Variants in MAGI1 observed in about 807,000 individuals in gnomAD.
MAGI1 encodes membrane associated guanylate kinase, WW and PDZ domain containing 1.
In MAGI1, 58 loss-of-function variants were observed where a neutral mutation model predicts 139.9. The observed-to-expected ratio is 0.41, with a 90% CI of 0.34 to 0.52. The LOEUF is 0.52. Among genes scored for constraint, MAGI1 ranks in the 20% least tolerant of loss-of-function variants. The pLI, the probability that MAGI1 is intolerant of heterozygous loss-of-function variation, is 0.12. For missense variants in MAGI1, 1,874 were observed against 1,901.6 expected, an observed-to-expected ratio of 0.99 and a Z score of 0.27; for synonymous variants, 812 against 737.9, an observed-to-expected ratio of 1.10 and a Z score of -1.63.
chr3:65,626,641 T>C (rs975754812), intron 1 of MAGI1, among the ~76,000 whole-genome samples: 3 of 152,200 alleles, frequency 2.0e-5, no homozygotes, highest in Non-Finnish European at 4.4e-5. Flanking sequence ...CATTCTTAAG[T>C]ATAAGCTCTT....
intron 12 of MAGI1, among the ~76,000 whole-genome samples, chr3:65,406,793 ATCTC>A (rs148669462): frequency 1.4e-5 from 2 of 144,420 alleles, no homozygotes; most frequent in African/African-American, 4.9e-5. Flanking sequence ...ACAGTTATAG[ATCTC>A]TCTCTCTCTA....
intron 1 of MAGI1, among the ~76,000 whole-genome samples, chr3:65,863,874 T>C (rs1271669641): frequency 6.6e-6 from 1 of 152,118 alleles, no homozygotes; most frequent in Admixed American, 6.5e-5. Context: ...GTCTTCAGAT[T>C]CTAGCTGAAG....
chr3:65,357,198 C>T, intron 22 of MAGI1, 66 bp from the exon 23 acceptor site: 1 of 1,503,854 alleles, frequency 6.6e-7, no homozygotes, highest in Non-Finnish European at 9.0e-7. Flanking sequence ...TCCCCGTTCC[C>T]ACCCACACTC....
At chr3:65,469,028 C>G (rs964337526) in intron 5 of MAGI1, among the ~76,000 whole-genome samples, 3 of 151,602 alleles carry the variant, frequency 2.0e-5, no homozygotes, top group African/African-American at 7.3e-5. Flanking sequence ...AAAAAATTCA[C>G]AACGCATATC....
At chr3:65,841,722 G>A (rs991380798) in intron 1 of MAGI1, among the ~76,000 whole-genome samples, 2 of 151,966 alleles carry the variant, frequency 1.3e-5, no homozygotes, top group African/African-American at 2.4e-5. Context: ...CACCGTGCTC[G>A]GCCAATTTTC....
intron 1 of MAGI1, among the ~76,000 whole-genome samples, chr3:65,889,077 C>G (rs2060641093): frequency 6.6e-6 from 1 of 152,110 alleles, no homozygotes; most frequent in Admixed American, 6.5e-5. Flanking sequence ...TTTTCCAAAA[C>G]CAAGAGACGC....
chr3:65,617,395 T>C (rs1442165490), intron 2 of MAGI1, among the ~76,000 whole-genome samples: 1 of 152,172 alleles, frequency 6.6e-6, no homozygotes, highest in Non-Finnish European at 1.5e-5. Context: ...AGCAGCAGTA[T>C]AGTAAATGAC....
chr3:65,627,806 A>G (rs1576527623), intron 1 of MAGI1, among the ~76,000 whole-genome samples: 1 of 151,992 alleles, frequency 6.6e-6, no homozygotes, highest in Non-Finnish European at 1.5e-5. Flanking sequence ...GAGCCCAGCT[A>G]TATTTCTGTA....
At chr3:65,409,634 T>C (rs1945619823) in intron 12 of MAGI1, among the ~76,000 whole-genome samples, 1 of 65,296 alleles carries the variant, frequency 1.5e-5, no homozygotes, top group African/African-American at 3.4e-5. Flanking sequence ...ACATGTTTCA[T>C]TTTTTTTTTC....
chr3:65,942,075 C>A (rs1407054229), intron 1 of MAGI1, among the ~76,000 whole-genome samples: 1 of 152,210 alleles, frequency 6.6e-6, no homozygotes, highest in Non-Finnish European at 1.5e-5. Flanking sequence ...GCGTGAGCCA[C>A]CATACCCAGC....
chr3:65,855,494 CAG>C (rs1559946652), intron 1 of MAGI1, among the ~76,000 whole-genome samples: 1 of 145,284 alleles, frequency 6.9e-6, no homozygotes, highest in Non-Finnish European at 1.5e-5. Context: ...CCTAACTACT[CAG>C]AGACTGAGGC....
At chr3:65,374,598 G>A (rs796680423) in intron 18 of MAGI1, among the ~76,000 whole-genome samples, 7 of 152,260 alleles carry the variant, frequency 4.6e-5, no homozygotes, top group African/African-American at 7.2e-5. Flanking sequence ...GATTACAGGC[G>A]TGAGACACCG....
chr3:65,978,745 T>C (rs894294088), intron 1 of MAGI1, among the ~76,000 whole-genome samples: 2 of 151,824 alleles, frequency 1.3e-5, no homozygotes, highest in Admixed American at 6.6e-5. Context: ...TTTCCAGCCT[T>C]GCGTCCTGAG....
rs530281949 is a variant in MAGI1, at chr3:65,802,074, C to T, written c.314-179986G>A. 4.7e-4 allele frequency among the ~76,000 whole-genome samples: 71 copies of T among 152,216 alleles called. 1 individual carries two copies. The highest frequency in any genetic ancestry group is 4.8e-5 in the African/African-American group (2 of 41,524). The stretch of plus-strand genomic sequence containing the variant: ...ACAGTTTCATCCTGAAACCATGCTC[C>T]CTGCCCCACTCAACCTCCTGGAAAA... On this transcript the variant is annotated intron_variant, in intron 1 of 22. Coordinates refer to ENST00000402939, the MANE Select transcript of MAGI1 (RefSeq NM_001033057.2).
chr3:65,740,953 A>G (rs982902794), intron 1 of MAGI1, among the ~76,000 whole-genome samples: 2 of 152,140 alleles, frequency 1.3e-5, no homozygotes, highest in Non-Finnish European at 2.9e-5. Flanking sequence ...TTTCCTAAGT[A>G]TTTCAGATTT....
intron 1 of MAGI1, among the ~76,000 whole-genome samples, chr3:65,881,119 C>G (rs1384928690): frequency 1.3e-5 from 2 of 152,028 alleles, no homozygotes; most frequent in African/African-American, 4.8e-5. Context: ...CTCCTGAGCT[C>G]AAGCGATCCA....
intron 1 of MAGI1, among the ~76,000 whole-genome samples, chr3:65,696,907 C>A (rs184864103): frequency 0.14 from 18,656 of 130,788 alleles, 1,690 homozygotes; most frequent in East Asian, 0.47. Context: ...CACAAAAAAC[C>A]CTTCAAAAAA....
chr3:65,496,595 T>G (rs1236281351), intron 2 of MAGI1, among the ~76,000 whole-genome samples: 2 of 152,184 alleles, frequency 1.3e-5, no homozygotes, highest in East Asian at 3.9e-4. Flanking sequence ...AAACCCATCA[T>G]CAAGGTATTA....
At position 65,744,305 on chromosome 3, in the gene MAGI1, G is replaced by A. The variant is rs114620976; in HGVS notation, c.314-122217C>T. Among the ~76,000 whole-genome samples, 486 of 152,288 alleles carry A rather than the reference G, an allele frequency of 3.2e-3. 3 individuals carry two copies. The highest frequency in any genetic ancestry group is 0.011 in the African/African-American group (465 of 41,550). ...AATGTCTCTCAAAATATATCACAGAGAACTGGTTTGCATAGGTTAGACGAT... is the reference window on the plus strand; with the variant it reads ...AATGTCTCTCAAAATATATCACAGAAAACTGGTTTGCATAGGTTAGACGAT... On this transcript the variant is annotated intron_variant, in intron 1 of 22. Transcript: ENST00000402939.
Sources: allele counts gnomAD v4.1 joint callset (sites outside exome capture counted in the v4.1 genomes callset), GRCh38; gene constraint gnomAD v4.1.1; transcripts MANE v1.5; gene names NCBI Gene and HGNC (gene_info 2026-07-23, HGNC 2026-07-21).